The following PIGN variants were observed in gnomAD, a reference collection of about 807,000 sequenced individuals.
The protein encoded by PIGN is GPI ethanolamine phosphate transferase 1.
A neutral mutation model predicts 125.4 loss-of-function variants in PIGN; 117 were observed. The ratio of observed to expected loss-of-function variants is 0.93; its 90% CI spans 0.80 to 1.09. The LOEUF is 1.09. Ranked by LOEUF, PIGN falls within the 50% of genes least tolerant of loss-of-function variation. The probability of loss-of-function intolerance (pLI) is 0.00; values close to 1 mark genes in which losing one functional copy is unlikely to be tolerated. For synonymous variants in PIGN, 392 were observed against 377.8 expected (o/e 1.04, Z -0.44); for missense variants, 1,075 against 1,094.9 (o/e 0.98, Z 0.26).
At chr18:62,047,243 G>C (rs1020122746) in intron 30 of PIGN, among the ~76,000 whole-genome samples, 1 of 152,190 alleles carries the variant, frequency 6.6e-6, no homozygotes, top group Middle Eastern at 3.2e-3. Context: ...CTAACTCCCC[G>C]GCTATGCCCT....
At chr18:62,115,007 A>AGACTTCACGTGATTGAG (rs2035034800) in intron 14 of PIGN, among the ~76,000 whole-genome samples, 1 of 152,206 alleles carries the variant, frequency 6.6e-6, no homozygotes, top group African/African-American at 2.4e-5. Context: ...TGCTCATGGC[A>AGACTTCACGTGATTGAG]GACTTCACGT....
At chr18:62,158,628 T>C (rs1421033399) in intron 4 of PIGN, among the ~76,000 whole-genome samples, 1 of 152,202 alleles carries the variant, frequency 6.6e-6, no homozygotes, top group Non-Finnish European at 1.5e-5. Flanking sequence ...AGTTATAAAA[T>C]AGTAAACTCA....
chr18:62,162,901 T>A (rs1357875510), intron 2 of PIGN, among the ~76,000 whole-genome samples: 1 of 152,188 alleles, frequency 6.6e-6, no homozygotes, highest in Non-Finnish European at 1.5e-5. Context: ...TCAATATGAA[T>A]GTAAAATAAT....
chr18:62,074,851 C>T (rs1474539304), intron 28 of PIGN, 30 bp from the exon 29 acceptor site: 1 of 1,487,300 alleles, frequency 6.7e-7, no homozygotes, highest in Non-Finnish European at 9.3e-7. Flanking sequence ...AAAATTACAT[C>T]TAATACAACA....
intron 22 of PIGN, among the ~76,000 whole-genome samples, chr18:62,098,188 A>T (rs1026170479): frequency 6.6e-6 from 1 of 152,224 alleles, no homozygotes; most frequent in Non-Finnish European, 1.5e-5. Context: ...ATTATTAGTC[A>T]ACATCTTCTA....
intron 1 of PIGN, among the ~76,000 whole-genome samples, chr18:62,165,414 TA>T (rs2037097070): frequency 6.6e-6 from 1 of 152,156 alleles, no homozygotes; most frequent in African/African-American, 2.4e-5. Flanking sequence ...GGGGCTTCAA[TA>T]AAAGGATATG....
At chr18:62,160,178 G>C (rs2036897115) in intron 4 of PIGN, among the ~76,000 whole-genome samples, 1 of 152,102 alleles carries the variant, frequency 6.6e-6, no homozygotes, top group African/African-American at 2.4e-5. Flanking sequence ...AGATGGAGAT[G>C]GGGGAAGACA....
At chr18:62,120,389 A>G (rs2035257160) in intron 14 of PIGN, among the ~76,000 whole-genome samples, 1 of 152,216 alleles carries the variant, frequency 6.6e-6, no homozygotes, top group Admixed American at 6.5e-5. Flanking sequence ...CAAACAAATA[A>G]CAACAGAAAA....
Position 62,163,242 on chromosome 18 carries a change from A to C in PIGN, c.-110+289T>G, listed in dbSNP as rs2037016609. 3.3e-5 allele frequency among the ~76,000 whole-genome samples: 5 copies of C among 151,990 alleles called. No individual in the cohort carries two copies. In the South Asian group the frequency reaches 1.0e-3, roughly 32 times the overall value. ...AGATTTTAGACATTAGACCTTTTCT[A>C]CTCTAGAAACAACACAGAGGTCCCA... On this transcript the variant is annotated intron_variant, in intron 2 of 30. Coordinates refer to ENST00000640252, the MANE Select transcript of PIGN (RefSeq NM_176787.5).
intron 30 of PIGN, among the ~76,000 whole-genome samples, chr18:62,071,932 C>T (rs1451729502): frequency 7.6e-6 from 1 of 132,428 alleles, no homozygotes; most frequent in Non-Finnish European, 1.6e-5. Context: ...AAAATATCCT[C>T]AGGCAGGTCC....
rs149791238 is a variant in PIGN at position 62,090,604 on chromosome 18, GA to G, written c.2181-27del. ...CTAACAGGTGGGGAAAGGTAGAAAT[GA>G]AAAGAAAAAAACAGTAAAATAAGTA... On this transcript the variant is annotated intron_variant, in intron 23 of 30. Coordinates refer to ENST00000640252, the MANE Select transcript of PIGN (RefSeq NM_176787.5). 8,462 of 1,384,090 alleles carry G rather than the reference GA, an allele frequency of 6.1e-3. 129 individuals carry two copies. Among genetic ancestry groups the G allele is most frequent in the East Asian group, 0.042 (1,767 of 42,522 alleles). 85.7% of individuals were successfully genotyped at this position (1,384,090 alleles called of 1,614,324 possible).
At chr18:62,127,233 T>C (rs937152406) in intron 14 of PIGN, among the ~76,000 whole-genome samples, 1 of 152,086 alleles carries the variant, frequency 6.6e-6, no homozygotes, top group Non-Finnish European at 1.5e-5. Flanking sequence ...AAGTTGAAAA[T>C]ATCTTAAGTC....
In PIGN at chr18:62,143,265, G is replaced by T. The variant is rs769868125; in HGVS notation, c.963+41C>A. On this transcript the variant is annotated intron_variant, in intron 11 of 30. Transcript: ENST00000640252. ...GTTTTTGTCTAACCTTCTTATAGAA[G>T]ATAAAATTAAATTTGAATGTAATAA... 12 of 1,058,964 alleles carry T rather than the reference G, an allele frequency of 1.1e-5. No homozygotes were observed. The South Asian group carries it at 1.6e-4, about 14-fold the overall frequency. 65.6% of individuals were successfully genotyped at this position (1,058,964 alleles called of 1,614,324 possible).
At chr18:62,104,697 T>C (rs1242521180) in intron 20 of PIGN, among the ~76,000 whole-genome samples, 1 of 152,164 alleles carries the variant, frequency 6.6e-6, no homozygotes, top group Non-Finnish European at 1.5e-5. Flanking sequence ...TTTTACAAAA[T>C]AGTATTTAGT....
At chr18:62,141,525 C>A (rs2036134121) in intron 11 of PIGN, among the ~76,000 whole-genome samples, 1 of 152,172 alleles carries the variant, frequency 6.6e-6, no homozygotes, top group Non-Finnish European at 1.5e-5. Context: ...CAAGTTTGTT[C>A]CCAGGCTCTC....
chr18:62,114,586 A>G lies in PIGN; in HGVS notation c.1226T>C (p.Ile409Thr). 1 of 1,521,960 alleles carries G rather than the reference A, an allele frequency of 6.6e-7. No homozygotes were observed. The highest frequency in any genetic ancestry group is 8.9e-7 in the Non-Finnish European group (1 of 1,120,036). 94.3% of individuals were successfully genotyped at this position (1,521,960 alleles called of 1,614,324 possible). Reference protein sequence around the residue: ...FNILRKARSYIKHRKFDEVVS... With the variant: ...FNILRKARSYTKHRKFDEVVS... ...CACTTCATCAAACTTTCTGTGTTTT[A>G]TATAAGATCTTGCTTTTCTTAAAAT... is the stretch of plus-strand genomic sequence containing the variant. The change falls in exon 15 of 31, where the codon ATA becomes ACA. Residue 409 changes from isoleucine to threonine, a missense_variant. Physicochemically the swap from Ile to Thr is moderately conservative, Grantham distance 89. Around this residue, in one of 3 missense-constraint regions of PIGN, gnomAD observed 915 missense variants for 908.7 expected, o/e 1.01. Transcript: ENST00000640252.
At chr18:62,052,980 A>G in intron 30 of PIGN, 1 of 383,060 alleles carries the variant, frequency 2.6e-6, no homozygotes, top group South Asian at 1.4e-4. Context: ...AAAACAATAA[A>G]GAAAGAATCT....
intron 10 of PIGN, among the ~76,000 whole-genome samples, chr18:62,143,795 T>G (rs747798304): frequency 3.3e-5 from 5 of 152,234 alleles, no homozygotes; most frequent in Non-Finnish European, 7.3e-5. Context: ...ACTGTAGTTG[T>G]GATGTTCCTG....
intron 23 of PIGN, among the ~76,000 whole-genome samples, chr18:62,033,328 G>C (rs2030218132): frequency 6.6e-6 from 1 of 152,192 alleles, no homozygotes; most frequent in Admixed American, 6.5e-5. Context: ...TGGATTGAGA[G>C]GAAAGCATAC....
Sources: allele counts gnomAD v4.1 joint callset (sites outside exome capture counted in the v4.1 genomes callset), GRCh38; gene constraint gnomAD v4.1.1; regional missense constraint gnomAD v4.1.1; transcripts MANE v1.5; gene names NCBI Gene and HGNC (gene_info 2026-07-23, HGNC 2026-07-21).